The following UNC5C variants were observed in gnomAD, a reference collection of about 807,000 sequenced individuals.
The protein encoded by UNC5C is netrin receptor UNC5C.
Under a neutral mutation model 99.8 loss-of-function variants are expected in UNC5C, and 47 were observed. The observed-to-expected ratio is 0.47, with a 90% CI of 0.37 to 0.60. The LOEUF (loss-of-function observed/expected upper bound fraction) is 0.60, where lower values mean the gene tolerates loss of function less well. Among genes scored for constraint, UNC5C ranks in the 20% least tolerant of loss-of-function variants. The pLI is 0.00. For missense variants in UNC5C, 1,062 were observed against 1,165.9 expected (o/e 0.91, Z 1.30); for synonymous variants, 487 against 452.2 (o/e 1.08, Z -0.98).
intron 4 of UNC5C, among the ~76,000 whole-genome samples, chr4:95,252,388 T>C (rs1249208847): frequency 1.3e-5 from 2 of 152,196 alleles, no homozygotes; most frequent in Non-Finnish European, 2.9e-5. Context: ...TTGTGCTCAG[T>C]GTGCTTCTCT....
chr4:95,443,339 A>C (rs1038312690), intron 1 of UNC5C, among the ~76,000 whole-genome samples: 1 of 152,214 alleles, frequency 6.6e-6, no homozygotes, highest in African/African-American at 2.4e-5. Context: ...TTATTTTTCA[A>C]GTATAATTAG....
At chr4:95,358,380 T>C (rs1200702736) in intron 1 of UNC5C, among the ~76,000 whole-genome samples, 1 of 152,224 alleles carries the variant, frequency 6.6e-6, no homozygotes, top group Non-Finnish European at 1.5e-5. Context: ...ATTTATTTCA[T>C]CCTTTTTGAT....
chr4:95,180,363 GTTTTC>G (rs1441685000), intron 14 of UNC5C, among the ~76,000 whole-genome samples: 1 of 152,152 alleles, frequency 6.6e-6, no homozygotes, highest in African/African-American at 2.4e-5. Flanking sequence ...TCTGCACCAT[GTTTTC>G]TTTTCTTTTG....
At chr4:95,352,953 A>G (rs1036220651) in intron 1 of UNC5C, among the ~76,000 whole-genome samples, 3 of 152,158 alleles carry the variant, frequency 2.0e-5, no homozygotes, top group Non-Finnish European at 4.4e-5. Flanking sequence ...AACTTTCAGC[A>G]TTCCACACAA....
intron 1 of UNC5C, among the ~76,000 whole-genome samples, chr4:95,524,786 A>C (rs995912316): frequency 6.6e-6 from 1 of 152,172 alleles, no homozygotes; most frequent in Non-Finnish European, 1.5e-5. Flanking sequence ...GGGCAGCTGA[A>C]GATGCAGTGC....
chr4:95,428,917 T>C (rs948797561), intron 1 of UNC5C, among the ~76,000 whole-genome samples: 3 of 152,080 alleles, frequency 2.0e-5, no homozygotes, highest in African/African-American at 7.2e-5. Flanking sequence ...TACCATTCTG[T>C]TTCCAGCACC....
intron 1 of UNC5C, among the ~76,000 whole-genome samples, chr4:95,378,661 A>G (rs992129917): frequency 3.3e-5 from 5 of 152,166 alleles, no homozygotes; most frequent in Non-Finnish European, 7.3e-5. Context: ...GGTAGGTAGA[A>G]CTACTTCAAA....
intron 1 of UNC5C, among the ~76,000 whole-genome samples, chr4:95,413,969 C>T (rs1330801459): frequency 6.6e-6 from 1 of 152,166 alleles, no homozygotes. Context: ...AATTTGCACT[C>T]AGATCCAAAT....
chr4:95,407,404 T>C (rs537961379), intron 1 of UNC5C, among the ~76,000 whole-genome samples: 1 of 151,638 alleles, frequency 6.6e-6, no homozygotes, highest in Admixed American at 6.6e-5. Context: ...AGTGAGAGGG[T>C]AGAGGCAGGG....
rs1386817999 is a variant in UNC5C, at chr4:95,166,849, G to C, written c.*2385C>G. ...GTATATATATTTGATTTTTAATTTA[G>C]AATACAGTTTTACTCATTGCTACAA... On this transcript the variant is annotated 3_prime_UTR_variant, in exon 16 of 16. Coordinates refer to ENST00000453304, the MANE Select transcript of UNC5C (RefSeq NM_003728.4). 1 of 152,044 alleles carries C rather than the reference G, an allele frequency of 6.6e-6. No individual in the cohort carries two copies. Among genetic ancestry groups the C allele is most frequent in the Non-Finnish European group, 1.5e-5 (1 of 68,018 alleles). The allele number at this position is 152,044 out of a possible 1,614,324, so 9.4% of individuals were successfully genotyped here. A position where few individuals can be genotyped will look rare whatever the true frequency, so the allele number is the denominator to read the frequency against.
intron 1 of UNC5C, among the ~76,000 whole-genome samples, chr4:95,461,864 A>T (rs777350400): frequency 4.6e-5 from 7 of 152,184 alleles, no homozygotes; most frequent in Non-Finnish European, 1.0e-4. Flanking sequence ...CTGCTAACCC[A>T]AGATATTCTT....
intron 4 of UNC5C, 52 bp from the exon 5 acceptor site, chr4:95,250,719 G>GCTGT (rs1247567446): frequency 2.5e-6 from 4 of 1,569,398 alleles, no homozygotes; most frequent in Non-Finnish European, 3.5e-6. Context: ...TCCCCTGATG[G>GCTGT]CTGTCTGTCC....
intron 1 of UNC5C, among the ~76,000 whole-genome samples, chr4:95,390,660 G>A (rs1045217349): frequency 2.0e-5 from 3 of 152,098 alleles, no homozygotes; most frequent in Non-Finnish European, 4.4e-5. Flanking sequence ...TTCTAAGAAG[G>A]TGACACTTAC....
At chr4:95,385,866 T>A (rs1745197975) in intron 1 of UNC5C, among the ~76,000 whole-genome samples, 1 of 152,196 alleles carries the variant, frequency 6.6e-6, no homozygotes, top group South Asian at 2.1e-4. Flanking sequence ...ATTTTAGTAA[T>A]GACCTGAGAA....
At position 95,386,785 on chromosome 4, in the gene UNC5C, A is replaced by C. The variant is rs531042662; in HGVS notation, c.125-51154T>G. Among the ~76,000 whole-genome samples the C allele has an allele frequency of 2.9e-4, 44 of 152,220 alleles. No individual in the cohort carries two copies. The South Asian group carries it at 5.8e-3, about 20-fold the overall frequency. ...GCTGGAGCTGTTCTCACTTCCCCCC[A>C]AAAAAAGCCCGAGTCTTGTGCTCCT... is the stretch of plus-strand genomic sequence containing the variant. On this transcript the variant is annotated intron_variant, in intron 1 of 15. Transcript: ENST00000453304.
chr4:95,478,663 G>GT (rs1257696869), intron 1 of UNC5C, among the ~76,000 whole-genome samples: 1 of 151,852 alleles, frequency 6.6e-6, no homozygotes, highest in Admixed American at 6.6e-5. Context: ...TTATTATTTT[G>GT]TTTTTTAACT....
intron 4 of UNC5C, among the ~76,000 whole-genome samples, chr4:95,273,934 T>C (rs1740758426): frequency 1.3e-5 from 2 of 152,254 alleles, no homozygotes; most frequent in Non-Finnish European, 2.9e-5. Context: ...ACCCTTTTTC[T>C]AGAGCTTTCC....
intron 7 of UNC5C, among the ~76,000 whole-genome samples, chr4:95,239,531 G>A (rs1350907371): frequency 1.3e-5 from 2 of 152,116 alleles, no homozygotes; most frequent in Non-Finnish European, 2.9e-5. Context: ...CGGGACCCAT[G>A]TCCATATCCA....
chr4:95,237,787 C>T (rs1382587335), intron 7 of UNC5C, among the ~76,000 whole-genome samples: 2 of 152,126 alleles, frequency 1.3e-5, no homozygotes, highest in African/African-American at 2.4e-5. Flanking sequence ...GTGGCTCACG[C>T]CTGTAATCCT....
Sources: gnomAD v4.1 joint callset for allele counts (sites outside exome capture counted in the v4.1 genomes callset) on GRCh38, gnomAD v4.1.1 for gene constraint, MANE v1.5 for transcripts, NCBI Gene and HGNC (gene_info 2026-07-23, HGNC 2026-07-21) for gene names.